CUBN: variants seen among roughly 807,000 people sequenced by gnomAD.
CUBN encodes the protein 460 kDa receptor.
In CUBN, 282 loss-of-function variants were observed where a neutral mutation model predicts 405.3. The observed-to-expected ratio is 0.70, with a 90% confidence interval of 0.63 to 0.77. The LOEUF (loss-of-function observed/expected upper bound fraction) is 0.77. Among genes scored for constraint, CUBN ranks in the 30% least tolerant of loss-of-function variants. The pLI is 0.00. For synonymous variants in CUBN, 1,684 were observed against 1,617.0 expected (o/e 1.04, Z -0.99); for missense variants, 4,514 against 4,475.2 (o/e 1.01, Z -0.25).
intron 22 of CUBN, among the ~76,000 whole-genome samples, chr10:17,049,860 C>T (rs905811799): frequency 2.6e-5 from 4 of 152,162 alleles, no homozygotes; most frequent in Admixed American, 1.3e-4. Context: ...GCAATTTGAA[C>T]CCCAAACATA....
chr10:17,128,466 C>A (rs372728540), intron 2 of CUBN, among the ~76,000 whole-genome samples: 44 of 152,308 alleles, frequency 2.9e-4, no homozygotes, highest in African/African-American at 1.0e-3. Context: ...GAAATGAAAA[C>A]ACCCAGTAAG....
At chr10:17,089,182 G>A (rs974887044) in intron 14 of CUBN, among the ~76,000 whole-genome samples, 5 of 152,148 alleles carry the variant, frequency 3.3e-5, no homozygotes, top group African/African-American at 9.7e-5. Context: ...TAGCTATACA[G>A]GTTGTTCAAA....
At chr10:17,099,451 G>C (rs1418542813) in intron 14 of CUBN, among the ~76,000 whole-genome samples, 1 of 152,108 alleles carries the variant, frequency 6.6e-6, no homozygotes, top group Non-Finnish European at 1.5e-5. Flanking sequence ...AATTTGATAA[G>C]GGACCAACTA....
intron 64 of CUBN, among the ~76,000 whole-genome samples, chr10:16,832,114 A>T (rs11254237): frequency 0.035 from 5,257 of 151,884 alleles, 124 homozygotes; most frequent in Non-Finnish European, 0.051. Flanking sequence ...GGGAGAGAGA[A>T]CTACACTGTG....
Position 17,046,045 on chromosome 10 carries a change from T to C in CUBN, c.3379A>G (p.Asn1127Asp), listed in dbSNP as rs866503446. 8 of 1,613,864 alleles carry C rather than the reference T, an allele frequency of 5.0e-6. No individual in the cohort carries two copies. The highest frequency in any genetic ancestry group is 3.3e-5 in the South Asian group (3 of 91,082). Residue 1127 changes from asparagine (N) to aspartate (D), a missense_variant, in exon 24 of 67, where the codon AAT becomes GAT. By Grantham distance (23) the Asn-to-Asp change is conservative (BLOSUM62 1). Coordinates refer to ENST00000377833, the MANE Select transcript of CUBN (RefSeq NM_001081.4). Reference protein sequence around the residue: ...SPLLGIFYGSNLPPTIISHSN... With the variant: ...SPLLGIFYGSDLPPTIISHSN... ...TGAGAGATGATTGTTGGGGGTAGAT[T>C]TGAGCCATAGAATATTCCCAGCAAT...
chr10:16,869,690 T>A lies in CUBN; in HGVS notation c.9400A>T (p.Thr3134Ser). The change falls in exon 59 of 67, where the codon ACA (threonine) becomes TCA (serine). Residue 3134 changes from threonine to serine, a missense_variant. Thr to Ser is a moderately conservative substitution (Grantham distance 58, BLOSUM62 1). Around this residue, in one of 5 missense-constraint regions of CUBN, gnomAD observed 1,186 missense variants for 1,186.9 expected, o/e 1.00. Coordinates refer to ENST00000377833, the MANE Select transcript of CUBN (RefSeq NM_001081.4). ...CCTTTTGCTGTCTGAAATGAATCTGTCTTGAACACCAGGAGCATACTATTA... is the reference window on the plus strand; with the variant it reads ...CCTTTTGCTGTCTGAAATGAATCTGACTTGAACACCAGGAGCATACTATTA... ...SNNSMLLVFK[T>S]DSFQTAKGWK... The A allele has an allele frequency of 6.2e-7, 1 of 1,614,042 alleles. No individual in the cohort carries two copies. The highest frequency in any genetic ancestry group is 8.5e-7 in the Non-Finnish European group (1 of 1,179,984).
At chr10:16,839,322 T>C (rs1001304160) in intron 62 of CUBN, among the ~76,000 whole-genome samples, 3 of 152,136 alleles carry the variant, frequency 2.0e-5, no homozygotes, top group African/African-American at 7.2e-5. Context: ...GCTTTGTGTA[T>C]GGATGAAAAA....
intron 59 of CUBN, among the ~76,000 whole-genome samples, chr10:16,861,365 G>A (rs1840008013): frequency 6.6e-6 from 1 of 152,020 alleles, no homozygotes; most frequent in South Asian, 2.1e-4. Context: ...GTTTCACCAT[G>A]TTGGCCAGGC....
chr10:17,127,897 C>T lies in CUBN; in HGVS notation c.280G>A (p.Glu94Lys), dbSNP rs376673284. 5.0e-6 allele frequency: 8 copies of T among 1,609,204 alleles called. No homozygotes were observed. In the African/African-American group the frequency reaches 8.0e-5, roughly 16 times the overall value. The change falls in exon 3 of 67, where the codon GAG (glutamate) becomes AAG (lysine). Residue 94 changes from glutamate to lysine, a missense_variant. Around this residue, in one of 5 missense-constraint regions of CUBN, gnomAD observed 1,448 missense variants for 1,388.0 expected, o/e 1.04. Coordinates refer to ENST00000377833, the MANE Select transcript of CUBN (RefSeq NM_001081.4). ...QIQKNKEDII[E>K]LKGSAIGLPQ... ...AGACCAATTGCACTCCCTTTTAACT[C>T]TATAATATCTTCTTTGTTTTTCTGG...
chr10:17,103,996 T>C (rs1189197921), intron 12 of CUBN, among the ~76,000 whole-genome samples: 1 of 152,152 alleles, frequency 6.6e-6, no homozygotes, highest in Admixed American at 6.5e-5. Context: ...TAGAAGATCA[T>C]TGAAAATTAA....
chr10:17,042,493 T>G (rs1835041396), intron 26 of CUBN, among the ~76,000 whole-genome samples: 1 of 152,110 alleles, frequency 6.6e-6, no homozygotes, highest in South Asian at 2.1e-4. Context: ...TCATTTACAC[T>G]TTCAGGATTC....
In CUBN at chr10:16,907,503, A is replaced by T; in HGVS notation, c.7705+5T>A. ...ATGGGGGGCATTTACAACATCCTAC[A>T]TTACCTGCATCTTCACTGGAGGTAT... On this transcript the variant is annotated splice_donor_5th_base_variant and intron_variant, in intron 49 of 66. Coordinates refer to ENST00000377833, the MANE Select transcript of CUBN (RefSeq NM_001081.4). The T allele has an allele frequency of 6.2e-7, 1 of 1,614,044 alleles. No homozygotes were observed. Among genetic ancestry groups the T allele is most frequent in the Non-Finnish European group, 8.5e-7 (1 of 1,179,952 alleles).
Position 16,836,244 on chromosome 10 carries a change from G to A in CUBN, c.10171C>T (p.Gln3391Ter). The A allele has an allele frequency of 6.2e-7, 1 of 1,613,554 alleles. No individual in the cohort carries two copies. The highest frequency in any genetic ancestry group is 8.5e-7 in the Non-Finnish European group (1 of 1,179,496). The stretch of plus-strand genomic sequence containing the variant: ...AAGTTCCTGGCCTCACCTGCAATCT[G>A]ATAGGTGAAACTCATTCTAGAGTTT... ...NRNSRMSFTY[Q>*]IADCNRDYHK... The change falls in exon 63 of 67, where the codon CAG (glutamine) becomes TAG (stop). Residue 3391 changes from glutamine (Q) to a stop codon, truncating the protein, a stop_gained. Coordinates refer to ENST00000377833, the MANE Select transcript of CUBN (RefSeq NM_001081.4). LOFTEE classifies it high-confidence loss of function.
intron 44 of CUBN, 132 bp from the exon 45 acceptor site, chr10:16,918,932 G>A: frequency 1.2e-6 from 1 of 856,674 alleles, no homozygotes; most frequent in Non-Finnish European, 1.9e-6. Flanking sequence ...GATAGAATCA[G>A]CATAAGCCAT....
chr10:17,077,598 C>G (rs933588471), intron 17 of CUBN, among the ~76,000 whole-genome samples: 1 of 152,212 alleles, frequency 6.6e-6, no homozygotes, highest in Non-Finnish European at 1.5e-5. Context: ...CTTAGTCCAT[C>G]TGAGAGCTGA....
At chr10:16,891,861 G>A (rs1432840544) in intron 54 of CUBN, among the ~76,000 whole-genome samples, 1 of 152,012 alleles carries the variant, frequency 6.6e-6, no homozygotes, top group East Asian at 1.9e-4. Flanking sequence ...GTATCTAGTG[G>A]GTAGGGGCCA....
chr10:17,022,744 A>G (rs1834531912), intron 27 of CUBN, among the ~76,000 whole-genome samples: 1 of 152,208 alleles, frequency 6.6e-6, no homozygotes, highest in Non-Finnish European at 1.5e-5. Context: ...GCACAGAAAC[A>G]AACATACTGC....
Position 17,047,506 on chromosome 10 carries a change from T to G in CUBN, c.3237A>C (p.Thr1079=). The G allele has an allele frequency of 6.2e-7, 1 of 1,614,008 alleles. No individual in the cohort carries two copies. The highest frequency in any genetic ancestry group is 1.3e-5 in the African/African-American group (1 of 75,052). Residue 1079 remains threonine, a synonymous_variant, in exon 23 of 67, where the codon ACA becomes ACC. Transcript: ENST00000377833. ...PNNWECIYRI[T]VRTGQLIAVH... ...CTGCAATCAGTTGGCCAGTTCTCAC[T>G]GTGATCCGATAAATGCATTCCCAGT...
Position 16,982,572 on chromosome 10 carries a change from C to T in CUBN, c.4607G>A (p.Cys1536Tyr), listed in dbSNP as rs770464322. The T allele has an allele frequency of 1.9e-6, 3 of 1,613,700 alleles. No homozygotes were observed. In the African/African-American group the frequency reaches 4.0e-5, roughly 22 times the overall value. ...YPSPYRSNTD[C>Y]SWVIRVDRNH... ...TCTGTCAACCCGAATGACCCAAGAA[C>T]AGTCTGTGTTGCTCCTATAAGGACT... is the stretch of plus-strand genomic sequence containing the variant. The change falls in exon 31 of 67, where the codon TGT (cysteine) becomes TAT (tyrosine). Residue 1536 changes from cysteine (C) to tyrosine (Y), a missense_variant. Transcript: ENST00000377833.
Sources: allele counts gnomAD v4.1 joint callset (sites outside exome capture counted in the v4.1 genomes callset), GRCh38; gene constraint gnomAD v4.1.1; regional missense constraint gnomAD v4.1.1; transcripts MANE v1.5; gene names NCBI Gene and HGNC (gene_info 2026-07-23, HGNC 2026-07-21).